PUDP: variants seen among roughly 807,000 people sequenced by gnomAD.
PUDP encodes the protein pseudouridine 5'-phosphatase, also known as pseudouridine-5'-phosphatase.
In PUDP, 8 loss-of-function variants were observed where a neutral mutation model predicts 9.4. The observed-to-expected ratio is 0.85, with a 90% confidence interval of 0.50 to 1.53. PUDP has a LOEUF of 1.53. Among genes scored for constraint, PUDP ranks in the 40% most tolerant of loss-of-function variants. PUDP has a pLI of 0.00. For missense variants in PUDP, 188 were observed against 189.7 expected, an observed-to-expected ratio of 0.99 and a Z score of 0.05; for synonymous variants, 99 against 80.7, an observed-to-expected ratio of 1.23 and a Z score of -1.22.
intron 3 of PUDP, among the ~76,000 whole-genome samples, chrX:6,752,296 G>A (rs960702215): frequency 1.8e-5 from 2 of 111,293 alleles, no homozygotes; most frequent in African/African-American, 3.3e-5. Context: ...CACCCCCAAA[G>A]GTTCTGAGTT....
chrX:6,751,034 C>T (rs1033899980), intron 3 of PUDP, among the ~76,000 whole-genome samples: 15 of 109,679 alleles, frequency 1.4e-4, no homozygotes, highest in Non-Finnish European at 2.1e-4. Flanking sequence ...CCCAGCTACT[C>T]GGGAGGCTGA....
chrX:6,998,155 C>T (rs2146807879), intron 1 of PUDP, among the ~76,000 whole-genome samples: 1 of 111,604 alleles, frequency 9.0e-6, no homozygotes, highest in East Asian at 2.8e-4. Context: ...CAGGGTCCCT[C>T]TCTGGCTGTC....
At chrX:7,120,013 A>G (rs1932297176) in intron 1 of PUDP, among the ~76,000 whole-genome samples, 1 of 112,118 alleles carries the variant, frequency 8.9e-6, no homozygotes, top group Admixed American at 9.5e-5. Flanking sequence ...TAAGAAAGCA[A>G]AAGGCAAGCT....
chrX:6,901,056 A>G (rs1009642474), intron 3 of PUDP, among the ~76,000 whole-genome samples: 17 of 111,528 alleles, frequency 1.5e-4, no homozygotes, highest in African/African-American at 5.2e-4. Flanking sequence ...GACTACAGGC[A>G]TGAGCCACTG....
chrX:7,109,526 CAG>C (rs376390323), intron 1 of PUDP, among the ~76,000 whole-genome samples: 3 of 112,446 alleles, frequency 2.7e-5, no homozygotes, highest in African/African-American at 9.7e-5. Flanking sequence ...ATGCTTCCAA[CAG>C]TGTTTATTTA....
intron 1 of PUDP, among the ~76,000 whole-genome samples, chrX:7,029,144 GT>G (rs1270491526): frequency 8.9e-6 from 1 of 112,149 alleles, no homozygotes; most frequent in East Asian, 2.8e-4. Context: ...ACACGGACCT[GT>G]TTTTTCACTC....
chrX:6,827,489 C>T (rs1375611640), intron 3 of PUDP, among the ~76,000 whole-genome samples: 2 of 111,556 alleles, frequency 1.8e-5, no homozygotes, highest in Admixed American at 9.6e-5. Flanking sequence ...AAGTCATTTA[C>T]TCGGAGTTTG....
intron 1 of PUDP, among the ~76,000 whole-genome samples, chrX:7,144,821 G>A (rs1932832021): frequency 9.0e-6 from 1 of 111,706 alleles, no homozygotes; most frequent in South Asian, 3.7e-4. Context: ...TTAAGAAACT[G>A]GAAATAAGCT....
At chrX:7,121,190 G>A (rs756999976) in intron 1 of PUDP, among the ~76,000 whole-genome samples, 1 of 112,298 alleles carries the variant, frequency 8.9e-6, no homozygotes, top group Admixed American at 9.4e-5. Context: ...CAGTTACAAT[G>A]TTAATAGAAG....
At chrX:6,751,314 C>G (rs1292596506) in intron 3 of PUDP, among the ~76,000 whole-genome samples, 2 of 111,671 alleles carry the variant, frequency 1.8e-5, no homozygotes, top group African/African-American at 3.3e-5. Context: ...TTCTGGTGCC[C>G]TTCATCATTG....
At chrX:7,028,229 G>T (rs1421663331) in intron 1 of PUDP, among the ~76,000 whole-genome samples, 1 of 110,075 alleles carries the variant, frequency 9.1e-6, no homozygotes, top group Admixed American at 9.8e-5. Context: ...TATATTGTAA[G>T]GAGGAAGATA....
At chrX:6,724,369 C>G (rs1924714266), upstream of PUDP, among the ~76,000 whole-genome samples, 1 of 110,470 alleles carries the variant, frequency 9.1e-6, no homozygotes, top group South Asian at 3.9e-4. Flanking sequence ...CTTCATAAAA[C>G]TTATGAATTG....
At chrX:7,138,186 C>A (rs192360814) in intron 1 of PUDP, among the ~76,000 whole-genome samples, 1 of 111,429 alleles carries the variant, frequency 9.0e-6, no homozygotes, top group Non-Finnish European at 1.9e-5. Flanking sequence ...AACAATCAGA[C>A]AAATCCAGAA....
chrX:6,727,856 T>G (rs867726543), intron 3 of PUDP, among the ~76,000 whole-genome samples: 2 of 111,512 alleles, frequency 1.8e-5, no homozygotes, highest in African/African-American at 6.5e-5. Context: ...GCTATCGATG[T>G]CACTGTGAAA....
intron 3 of PUDP, among the ~76,000 whole-genome samples, chrX:6,807,883 A>G (rs1396933987): frequency 8.9e-6 from 1 of 112,400 alleles, no homozygotes; most frequent in Non-Finnish European, 1.9e-5. Flanking sequence ...TCTATTATAG[A>G]TACCAGGAAG....
intron 3 of PUDP, among the ~76,000 whole-genome samples, chrX:6,932,616 G>A (rs1928210756): frequency 9.8e-6 from 1 of 101,613 alleles, no homozygotes; most frequent in South Asian, 4.5e-4. Context: ...CCAGACAGTG[G>A]GCGCAGGTCA....
At chrX:6,956,319 C>T (rs763283097) in intron 3 of PUDP, among the ~76,000 whole-genome samples, 18 of 111,113 alleles carry the variant, frequency 1.6e-4, no homozygotes, top group Non-Finnish European at 3.0e-4. Flanking sequence ...CCACCACGCC[C>T]GGCCACTACT....
At chrX:7,124,969 A>G (rs1381434704) in intron 1 of PUDP, among the ~76,000 whole-genome samples, 1 of 109,528 alleles carries the variant, frequency 9.1e-6, no homozygotes, top group Admixed American at 9.7e-5. Context: ...AACTTTGGCT[A>G]TCTTTTTGTT....
chrX:6,941,238 A>T (rs906390848), intron 3 of PUDP, among the ~76,000 whole-genome samples: 10 of 111,080 alleles, frequency 9.0e-5, no homozygotes, highest in Admixed American at 9.6e-5. Flanking sequence ...AGGAAATTCC[A>T]ATCTCCTCAC....
Sources: gnomAD v4.1 joint callset for allele counts (sites outside exome capture counted in the v4.1 genomes callset) on GRCh38, gnomAD v4.1.1 for gene constraint, MANE v1.5 for transcripts, NCBI Gene and HGNC (gene_info 2026-07-23, HGNC 2026-07-21) for gene names.